The following ZNF423 variants were observed in gnomAD, a reference collection of about 807,000 sequenced individuals.
The protein encoded by ZNF423 is Ebf-associated zinc finger protein.
Under a neutral mutation model 95.8 loss-of-function variants are expected in ZNF423, and 12 were observed. The ratio of observed to expected loss-of-function variants is 0.13; its 90% CI spans 0.08 to 0.20. The LOEUF is 0.20. ZNF423 is among the 10% of genes least tolerant of loss of function. The pLI, the probability that ZNF423 is intolerant of heterozygous loss-of-function variation, is 1.00. For synonymous variants in ZNF423, 749 were observed against 711.9 expected (o/e 1.05, Z -0.83); for missense variants, 1,316 against 1,737.1 (o/e 0.76, Z 4.31).
chr16:49,814,486 CTT>C (rs1350252362), intron 1 of ZNF423, among the ~76,000 whole-genome samples: 12 of 151,362 alleles, frequency 7.9e-5, no homozygotes, highest in Admixed American at 2.6e-4. Flanking sequence ...CTGCACCTGC[CTT>C]TTCCAACAAT....
At chr16:49,494,071 A>AT (rs1967067970) in intron 7 of ZNF423, among the ~76,000 whole-genome samples, 1 of 152,228 alleles carries the variant, frequency 6.6e-6, no homozygotes, top group Non-Finnish European at 1.5e-5. Context: ...GAACAGGCTC[A>AT]GTGTGACACA....
chr16:49,570,216 C>G (rs1970313334), intron 5 of ZNF423, among the ~76,000 whole-genome samples: 1 of 152,206 alleles, frequency 6.6e-6, no homozygotes, highest in Admixed American at 6.5e-5. Flanking sequence ...CAATGCACCC[C>G]CATGCCATCG....
At chr16:49,705,310 C>T (rs145195212) in intron 3 of ZNF423, among the ~76,000 whole-genome samples, 24 of 152,278 alleles carry the variant, frequency 1.6e-4, no homozygotes, top group African/African-American at 5.5e-4. Flanking sequence ...CTGTAATACA[C>T]ACCTGAGCAC....
In ZNF423 at chr16:49,637,689, A is replaced by T. The variant is rs1394525022; in HGVS notation, c.1487T>A (p.Met496Lys). 1 of 1,614,024 alleles carries T rather than the reference A, an allele frequency of 6.2e-7. No individual in the cohort carries two copies. Among genetic ancestry groups the T allele is most frequent in the Admixed American group, 1.7e-5 (1 of 60,000 alleles). ...CTGCAGGCTATTGATGTCGGCGAAC[A>T]TCTCGGGGCAGTAGTTGCAGTGGAA... is the stretch of plus-strand genomic sequence containing the variant. ...SAFHCNYCPEMFADINSLQEH... is the reference protein window; with the variant it reads ...SAFHCNYCPEKFADINSLQEH... The change falls in exon 4 of 8, where the codon ATG (methionine) becomes AAG (lysine). Residue 496 changes from methionine (M) to lysine (K), a missense_variant. Met to Lys is a moderately conservative substitution (Grantham distance 95). Around this residue, in one of 6 missense-constraint regions of ZNF423, gnomAD observed 399 missense variants for 478.5 expected, o/e 0.83. Coordinates refer to ENST00000563137, the MANE Select transcript of ZNF423 (RefSeq NM_001379286.1). The surrounding 1 kb of genome is among the most constrained non-coding windows in gnomAD (Gnocchi z 5.6).
chr16:49,681,418 GA>G (rs1359474804), intron 3 of ZNF423, among the ~76,000 whole-genome samples: 1 of 152,238 alleles, frequency 6.6e-6, no homozygotes, highest in African/African-American at 2.4e-5. Flanking sequence ...GGGATACAGA[GA>G]GGGGAGAAAA....
At chr16:49,736,047 A>C (rs911134903) in intron 2 of ZNF423, among the ~76,000 whole-genome samples, 4 of 152,178 alleles carry the variant, frequency 2.6e-5, no homozygotes. Context: ...AATTTAGCTC[A>C]GTGCCACCTC....
intron 7 of ZNF423, among the ~76,000 whole-genome samples, chr16:49,510,214 C>T (rs8043631): frequency 0.054 from 8,154 of 152,298 alleles, 329 homozygotes; most frequent in African/African-American, 0.11. Flanking sequence ...GATCTACAAG[C>T]ATGATGCTGC....
chr16:49,665,617 GCCT>G (rs2030500760), intron 3 of ZNF423, among the ~76,000 whole-genome samples: 1 of 152,088 alleles, frequency 6.6e-6, no homozygotes, highest in African/African-American at 2.4e-5. Flanking sequence ...GTTTCACGGA[GCCT>G]CCTCCGCTCC....
chr16:49,516,836 C>T (rs902314795), intron 7 of ZNF423, among the ~76,000 whole-genome samples: 1 of 152,252 alleles, frequency 6.6e-6, no homozygotes, highest in East Asian at 1.9e-4. Flanking sequence ...CAGATTCCCC[C>T]TCCAGGGATC....
At chr16:49,789,353 TG>T in intron 2 of ZNF423, 133 bp downstream of exon 2, 3 of 734,344 alleles carry the variant, frequency 4.1e-6, no homozygotes, top group Non-Finnish European at 6.6e-6. Flanking sequence ...TCGTGTTGCA[TG>T]GGGTAGTCTG....
At chr16:49,644,974 A>G (rs1973122897) in intron 3 of ZNF423, among the ~76,000 whole-genome samples, 1 of 152,182 alleles carries the variant, frequency 6.6e-6, no homozygotes, top group African/African-American at 2.4e-5. Flanking sequence ...GGGAAGCTGG[A>G]ATTCATGCTC....
chr16:49,845,796 G>T (rs775758990), intron 1 of ZNF423, among the ~76,000 whole-genome samples: 1 of 151,864 alleles, frequency 6.6e-6, no homozygotes, highest in African/African-American at 2.4e-5. Context: ...CACCTGCCTC[G>T]GTTTCTCAAA....
chr16:49,584,495 C>T (rs1214965545), intron 5 of ZNF423, among the ~76,000 whole-genome samples: 2 of 152,184 alleles, frequency 1.3e-5, no homozygotes, highest in African/African-American at 4.8e-5. Flanking sequence ...ATTGTCTGTA[C>T]TCATACGCTG....
chr16:49,708,639 C>T (rs1035606956), intron 3 of ZNF423, among the ~76,000 whole-genome samples: 2 of 152,150 alleles, frequency 1.3e-5, no homozygotes, highest in African/African-American at 2.4e-5. Flanking sequence ...GACCCCTCCC[C>T]GACATCCTCC....
chr16:49,499,921 A>G (rs1276563747), intron 7 of ZNF423, among the ~76,000 whole-genome samples: 1 of 152,170 alleles, frequency 6.6e-6, no homozygotes, highest in African/African-American at 2.4e-5. Flanking sequence ...GAGTCACCCA[A>G]CAAAACAAGG....
chr16:49,688,154 C>G (rs945451729), intron 3 of ZNF423, among the ~76,000 whole-genome samples: 9 of 145,286 alleles, frequency 6.2e-5, no homozygotes, highest in African/African-American at 2.0e-4. Context: ...GGCAGCAGAT[C>G]AAACCTGAGG....
At chr16:49,508,044 T>C (rs1453832544) in intron 7 of ZNF423, among the ~76,000 whole-genome samples, 1 of 152,194 alleles carries the variant, frequency 6.6e-6, no homozygotes, top group African/African-American at 2.4e-5. Flanking sequence ...GGGTCCAGCA[T>C]TAACCAGCTC....
chr16:49,774,424 G>C (rs900788506), intron 2 of ZNF423, among the ~76,000 whole-genome samples: 37 of 152,160 alleles, frequency 2.4e-4, no homozygotes, highest in Admixed American at 1.9e-3. Flanking sequence ...AGGTGGGCAG[G>C]AGAGGGAGAG....
At chr16:49,825,229 T>C (rs770667560) in intron 1 of ZNF423, among the ~76,000 whole-genome samples, 3 of 152,180 alleles carry the variant, frequency 2.0e-5, no homozygotes, top group Admixed American at 1.3e-4. Context: ...AACTGTTTCC[T>C]TTGGTTGTTG....
Sources: gnomAD v4.1 joint callset for allele counts (sites outside exome capture counted in the v4.1 genomes callset) on GRCh38, gnomAD v4.1.1 for gene constraint, gnomAD v4.1.1 regional missense constraint, Gnocchi (gnomAD v3.1) non-coding constraint, MANE v1.5 for transcripts, NCBI Gene and HGNC (gene_info 2026-07-23, HGNC 2026-07-21) for gene names.